MINDY1: variants seen among roughly 807,000 people sequenced by gnomAD.
The protein encoded by MINDY1 is MINDY lysine 48 deubiquitinase 1.
MINDY1 carries 50 observed loss-of-function variants against 53.6 expected under a neutral mutation model. That is an observed-to-expected ratio of 0.93 (90% confidence interval 0.74 to 1.18). The LOEUF is 1.18. Among genes scored for constraint, MINDY1 ranks in the 50% most tolerant of loss-of-function variants. The pLI is 0.00. For synonymous variants in MINDY1, 231 were observed against 234.7 expected (o/e 0.98, Z 0.14); for missense variants, 484 against 578.6 (o/e 0.84, Z 1.68).
chr1:151,000,037 C>A, intron 5 of MINDY1, 73 bp from the exon 6 acceptor site: 2 of 1,131,294 alleles, frequency 1.8e-6, no homozygotes, highest in Non-Finnish European at 1.3e-6. Flanking sequence ...AGGAAATGAA[C>A]AAAGCTCACA....
chr1:151,002,018 T>A lies in MINDY1; in HGVS notation c.453+147A>T, dbSNP rs1419478078. 8 of 873,324 alleles carry A rather than the reference T, an allele frequency of 9.2e-6. No individual in the cohort carries two copies. Among genetic ancestry groups the A allele is most frequent in the Non-Finnish European group, 1.4e-5 (8 of 579,142 alleles). 54.1% of individuals were successfully genotyped at this position (873,324 alleles called of 1,614,324 possible). A position where few individuals can be genotyped will look rare whatever the true frequency, so the allele number is the denominator to read the frequency against. On this transcript the variant is annotated intron_variant, in intron 2 of 9. Coordinates refer to ENST00000683666, the MANE Select transcript of MINDY1 (RefSeq NM_001376665.1). This position sits in a 1 kb window ranked among gnomAD's most constrained non-coding sequence, Gnocchi z 4.1. ...TTTTTTTTCTTTGTTTTTAGGAACA[T>A]CTTATCTCATTTGCTCAAGCTGGAG...
In MINDY1 at chr1:151,002,685, G is replaced by A. The variant is rs748972996; in HGVS notation, c.-68C>T. On this transcript the variant is annotated 5_prime_UTR_variant, in exon 2 of 10. Coordinates refer to ENST00000683666, the MANE Select transcript of MINDY1 (RefSeq NM_001376665.1). This position sits in a 1 kb window ranked among gnomAD's most constrained non-coding sequence, Gnocchi z 4.1. The stretch of plus-strand genomic sequence containing the variant: ...AACCTCAGGGACTTGCCTAAGCCAG[G>A]CTTGGGATGCAAAAGAGTGACCTGT... 15 of 1,609,886 alleles carry A rather than the reference G, an allele frequency of 9.3e-6. No individual in the cohort carries two copies. The highest frequency in any genetic ancestry group is 1.2e-5 in the Non-Finnish European group (14 of 1,177,716).
Position 151,002,858 on chromosome 1 carries a change from G to A in MINDY1, c.-89-152C>T. 3 of 1,426,538 alleles carry A rather than the reference G, an allele frequency of 2.1e-6. No homozygotes were observed. Among genetic ancestry groups the A allele is most frequent in the Non-Finnish European group, 2.7e-6 (3 of 1,094,180 alleles). 88.4% of individuals were successfully genotyped at this position (1,426,538 alleles called of 1,614,324 possible). On this transcript the variant is annotated intron_variant, in intron 1 of 9. Coordinates refer to ENST00000683666, the MANE Select transcript of MINDY1 (RefSeq NM_001376665.1). This position sits in a 1 kb window ranked among gnomAD's most constrained non-coding sequence, Gnocchi z 4.1. Reference sequence around the variant, plus strand: ...TGTAAACAGAAGGGCCCCGTGCTGAGCTCTTTCCACCTCTAACTTGCTGTG... The same window carrying A: ...TGTAAACAGAAGGGCCCCGTGCTGAACTCTTTCCACCTCTAACTTGCTGTG...
At chr1:151,008,001 T>C (rs41304560), upstream of MINDY1, among the ~76,000 whole-genome samples, 747 of 152,320 alleles carry the variant, frequency 4.9e-3, 2 homozygotes, top group Middle Eastern at 0.01. Flanking sequence ...GGCAGGAGAC[T>C]GTAGGTGTTA....
intron 1 of MINDY1, among the ~76,000 whole-genome samples, chr1:151,004,999 C>T (rs1051140399): frequency 2.6e-5 from 4 of 152,130 alleles, no homozygotes; most frequent in Non-Finnish European, 4.4e-5. Flanking sequence ...ATATCATTTA[C>T]GTGTTGTTAA....
At chr1:151,001,692 T>C (rs1672591916) in intron 3 of MINDY1, 33 bp downstream of exon 3, 2 of 1,608,940 alleles carry the variant, frequency 1.2e-6, no homozygotes, top group Non-Finnish European at 1.7e-6. Context: ...TGGAGCCCCT[T>C]GGGTAATTCC....
At position 151,002,121 on chromosome 1, in the gene MINDY1, T is replaced by C; in HGVS notation, c.453+44A>G. 1 of 1,530,872 alleles carries C rather than the reference T, an allele frequency of 6.5e-7. No homozygotes were observed. Among genetic ancestry groups the C allele is most frequent in the Non-Finnish European group, 8.8e-7 (1 of 1,132,662 alleles). 94.8% of individuals were successfully genotyped at this position (1,530,872 alleles called of 1,614,324 possible). A position where few individuals can be genotyped will look rare whatever the true frequency, so the allele number is the denominator to read the frequency against. On this transcript the variant is annotated intron_variant, in intron 2 of 9. Transcript: ENST00000683666. This position sits in a 1 kb window ranked among gnomAD's most constrained non-coding sequence, Gnocchi z 4.1. ...ATCAAGGAAGTAAGTCAGGGAAGAG[T>C]ACTCCCTGATATTTTTTGCACCCCT... is the stretch of plus-strand genomic sequence containing the variant.
intron 1 of MINDY1, among the ~76,000 whole-genome samples, chr1:151,005,057 T>C (rs587719878): frequency 2.0e-5 from 3 of 151,944 alleles, no homozygotes; most frequent in Non-Finnish European, 4.4e-5. Flanking sequence ...ATGCTTTTTT[T>C]TCTCTCTCTT....
Position 150,999,786 on chromosome 1 carries a change from G to A in MINDY1, c.838+76C>T. On this transcript the variant is annotated intron_variant, in intron 6 of 9. Transcript: ENST00000683666. This position sits in a 1 kb window ranked among gnomAD's most constrained non-coding sequence, Gnocchi z 4.4. ...TATCTAGTGGGATGTGGTAGGAGAT[G>A]ACACCCAATAAAAAATAAGCCTAAG... 1 of 1,306,530 alleles carries A rather than the reference G, an allele frequency of 7.7e-7. No homozygotes were observed. The highest frequency in any genetic ancestry group is 1.1e-6 in the Non-Finnish European group (1 of 914,930). The allele number at this position is 1,306,530 out of a possible 1,614,324, so 80.9% of individuals were successfully genotyped here. A position where few individuals can be genotyped will look rare whatever the true frequency, so the allele number is the denominator to read the frequency against.
chr1:151,008,237 GT>G, upstream of MINDY1: 1 of 1,152,220 alleles, frequency 8.7e-7, no homozygotes, highest in Non-Finnish European at 1.1e-6. Flanking sequence ...ATGGGTTACT[GT>G]GACACATACA....
rs770903574 is a variant in MINDY1, at chr1:150,998,136, C to T, written c.1119G>A (p.Gly373=). 4.3e-6 allele frequency: 7 copies of T among 1,613,770 alleles called. No homozygotes were observed. The Admixed American group carries it at 5.0e-5, about 12-fold the overall frequency. ...DFHLSHSLGK[G]PGAEGGSGSP... is the part of the protein sequence containing the mutation. ...AGCCACTCCCACCTTCTGCTCCAGGCCCCTTGCCCAGGGAATGACTCAGGT... is the reference window on the plus strand; with the variant it reads ...AGCCACTCCCACCTTCTGCTCCAGGTCCCTTGCCCAGGGAATGACTCAGGT... The change falls in exon 8 of 10, where the codon GGG becomes GGA. Residue 373 remains glycine, a synonymous_variant. Transcript: ENST00000683666.
In MINDY1 at chr1:150,997,337, C is replaced by G; in HGVS notation, c.1360G>C (p.Gly454Arg). The change falls in exon 10 of 10, where the codon GGG becomes CGG. Residue 454 changes from glycine to arginine, a missense_variant. Coordinates refer to ENST00000683666, the MANE Select transcript of MINDY1 (RefSeq NM_001376665.1). ...GRGATSGRPA[G>R]ERRQRPKHES... ...TGCTTCGGCCTCTGCCGACGCTCCCCGGCTGGGCGTCCAGATGTGGCTCCT... is the reference window on the plus strand; with the variant it reads ...TGCTTCGGCCTCTGCCGACGCTCCCGGGCTGGGCGTCCAGATGTGGCTCCT... 1 of 1,602,160 alleles carries G rather than the reference C, an allele frequency of 6.2e-7. No homozygotes were observed. Among genetic ancestry groups the G allele is most frequent in the South Asian group, 1.1e-5 (1 of 89,076 alleles).
rs758561720 is a variant in MINDY1 at position 151,000,450 on chromosome 1, C to T, written c.735+7G>A. 18 of 1,596,482 alleles carry T rather than the reference C, an allele frequency of 1.1e-5. No individual in the cohort carries two copies. Among genetic ancestry groups the T allele is most frequent in the Non-Finnish European group, 1.5e-5 (18 of 1,171,624 alleles). ...GATAAGGTCCCAGTGGGCCCTCCCACCCTCACCTGTGGATCAACAAGCCAG... is the reference window on the plus strand; with the variant it reads ...GATAAGGTCCCAGTGGGCCCTCCCATCCTCACCTGTGGATCAACAAGCCAG... On this transcript the variant is annotated splice_region_variant and intron_variant, in intron 5 of 9. Coordinates refer to ENST00000683666, the MANE Select transcript of MINDY1 (RefSeq NM_001376665.1).
At chr1:151,006,278 G>C (rs1673192772) in intron 1 of MINDY1, 34 bp downstream of exon 1, 1 of 1,452,040 alleles carries the variant, frequency 6.9e-7, no homozygotes, top group Middle Eastern at 2.2e-4. Context: ...GGTGGGAGAA[G>C]AGGTGAAGAA....
Position 150,997,674 on chromosome 1 carries a change from G to T in MINDY1, c.1279C>A (p.Gln427Lys). ...ATCCGCACTGGCTGCGCTGCCTGCT[G>T]CTGTTGATACTCCTCTTGCTGAAGC... ...QQLQQEEYQQ[Q>K]QAAQPVRMRT... The change falls in exon 9 of 10, where the codon CAG (glutamine) becomes AAG (lysine). Residue 427 changes from glutamine (Q) to lysine (K), a missense_variant. By Grantham distance (53) the Gln-to-Lys change is moderately conservative. Coordinates refer to ENST00000683666, the MANE Select transcript of MINDY1 (RefSeq NM_001376665.1). 1 of 1,613,144 alleles carries T rather than the reference G, an allele frequency of 6.2e-7. No homozygotes were observed. Among genetic ancestry groups the T allele is most frequent in the Non-Finnish European group, 8.5e-7 (1 of 1,180,038 alleles).
chr1:151,001,435 TAG>T, intron 3 of MINDY1, 121 bp from the exon 4 acceptor site: 4 of 1,175,372 alleles, frequency 3.4e-6, no homozygotes, highest in African/African-American at 1.5e-5. Context: ...GGAAAATACT[TAG>T]AGTCTAATCC....
intron 5 of MINDY1, 113 bp from the exon 6 acceptor site, chr1:151,000,077 T>A: frequency 2.9e-6 from 2 of 696,748 alleles, no homozygotes; most frequent in Non-Finnish European, 4.6e-6. Context: ...GAATGGTTCC[T>A]AAACACTTTT....
Position 150,999,339 on chromosome 1 carries a change from C to T in MINDY1, c.981+30G>A, listed in dbSNP as rs376639048. ...AAAAGGCACCAGGAAATGACAGCAC[C>T]GCAGCACGCCACCCCCAAACTCGCA... On this transcript the variant is annotated intron_variant, in intron 7 of 9. Transcript: ENST00000683666. This position sits in a 1 kb window ranked among gnomAD's most constrained non-coding sequence, Gnocchi z 4.4. 34 of 1,612,664 alleles carry T rather than the reference C, an allele frequency of 2.1e-5. No homozygotes were observed. The highest frequency in any genetic ancestry group is 1.6e-4 in the Middle Eastern group (1 of 6,084).
chr1:150,997,498 G>T, intron 9 of MINDY1, 126 bp downstream of exon 9: 1 of 1,558,112 alleles, frequency 6.4e-7, no homozygotes. Context: ...AGGGGAGAGG[G>T]ACAGGCAGGG....
Sources: allele counts gnomAD v4.1 joint callset (sites outside exome capture counted in the v4.1 genomes callset), GRCh38; gene constraint gnomAD v4.1.1; non-coding constraint Gnocchi (gnomAD v3.1); transcripts MANE v1.5; gene names NCBI Gene and HGNC (gene_info 2026-07-23, HGNC 2026-07-21).